MCPH1: variants seen among roughly 807,000 people sequenced by gnomAD.
The protein encoded by MCPH1 is microcephalin.
Under a neutral mutation model 84.5 loss-of-function variants are expected in MCPH1, and 104 were observed. That is an observed-to-expected ratio of 1.23 (90% confidence interval 1.05 to 1.45). The LOEUF is 1.45. Ranked by LOEUF, MCPH1 falls within the 40% of genes most tolerant of loss-of-function variation. The probability of loss-of-function intolerance (pLI) is 0.00; values close to 1 mark genes in which losing one functional copy is unlikely to be tolerated. For missense variants in MCPH1, 1,498 were observed against 1,005.7 expected (o/e 1.49, Z -6.62); for synonymous variants, 514 against 366.8 (o/e 1.40, Z -4.58).
rs1234038158 is a variant in MCPH1, at chr8:6,624,837, C to CTATT, written c.2452+3148_2452+3151dup. On this transcript the variant is annotated intron_variant, in intron 13 of 13. Transcript: ENST00000344683. ...GTTTCCTGCCTCATCCAGGTCCAGG[C>CTATT]TATTTGCTTATTCTCTAACCAGAAA... is the stretch of plus-strand genomic sequence containing the variant. The CTATT allele has an allele frequency of 8.1e-6, 8 of 984,678 alleles. No homozygotes were observed. In the East Asian group the frequency reaches 4.5e-4, roughly 56 times the overall value. The allele number at this position is 984,678 out of a possible 1,614,324, so 61.0% of individuals were successfully genotyped here. A position where few individuals can be genotyped will look rare whatever the true frequency, so the allele number is the denominator to read the frequency against.
chr8:6,458,190 G>T (rs1318755310), intron 9 of MCPH1, among the ~76,000 whole-genome samples: 1 of 152,024 alleles, frequency 6.6e-6, no homozygotes, highest in Non-Finnish European at 1.5e-5. Context: ...CCTGATTTGC[G>T]GGCTGGGTGC....
intron 12 of MCPH1, among the ~76,000 whole-genome samples, chr8:6,538,254 A>G (rs756450901): frequency 3.3e-5 from 5 of 152,146 alleles, no homozygotes; most frequent in Admixed American, 6.5e-5. Context: ...TAGAAATAAG[A>G]TATTGCAACC....
At chr8:6,576,555 C>G (rs1250541371) in intron 12 of MCPH1, among the ~76,000 whole-genome samples, 1 of 151,296 alleles carries the variant, frequency 6.6e-6, no homozygotes, top group Non-Finnish European at 1.5e-5. Context: ...GTCCCCCAGG[C>G]TGGAGTGCAA....
chr8:6,465,007 A>AG (rs1364402776), intron 9 of MCPH1, among the ~76,000 whole-genome samples: 1 of 152,082 alleles, frequency 6.6e-6, no homozygotes, highest in African/African-American at 2.4e-5. Context: ...CAGAAAAAAA[A>AG]AAAAAGAAAA....
chr8:6,497,319 C>CA (rs36033136), intron 11 of MCPH1, among the ~76,000 whole-genome samples: 54,905 of 144,560 alleles, frequency 0.38, 10,307 homozygotes, highest in Middle Eastern at 0.47. Flanking sequence ...CATTCTCTAC[C>CA]AAAAAAAAAC....
intron 13 of MCPH1, among the ~76,000 whole-genome samples, chr8:6,640,559 T>A (rs138506085): frequency 2.0e-5 from 3 of 152,374 alleles, no homozygotes; most frequent in African/African-American, 7.2e-5. Context: ...ATTTTTCACA[T>A]GGTTTTACAG....
Position 6,613,729 on chromosome 8 carries a change from G to C in MCPH1, c.2215-7725G>C, listed in dbSNP as rs138059928. Among the ~76,000 whole-genome samples the C allele has an allele frequency of 1.0e-3, 156 of 152,220 alleles. 1 individual carries two copies. The highest frequency in any genetic ancestry group is 3.6e-3 in the African/African-American group (150 of 41,518). The stretch of plus-strand genomic sequence containing the variant: ...GAGACAGAGTCATCAGGGCCGAGAG[G>C]AATGACAGTAACAGCGAGGTTGAAG... On this transcript the variant is annotated intron_variant, in intron 12 of 13. Transcript: ENST00000344683.
chr8:6,603,038 G>A (rs141019335), intron 12 of MCPH1, among the ~76,000 whole-genome samples: 8 of 151,934 alleles, frequency 5.3e-5, no homozygotes, highest in Admixed American at 6.6e-5. Flanking sequence ...GTCTCCTGAC[G>A]TCATTGCTTG....
At chr8:6,575,625 T>C (rs781671924) in intron 12 of MCPH1, among the ~76,000 whole-genome samples, 9 of 152,206 alleles carry the variant, frequency 5.9e-5, no homozygotes, top group Non-Finnish European at 1.2e-4. Flanking sequence ...CGAAAATTCA[T>C]GTTGAAGTCC....
At chr8:6,437,507 G>T (rs1246864363) in intron 5 of MCPH1, among the ~76,000 whole-genome samples, 1 of 152,186 alleles carries the variant, frequency 6.6e-6, no homozygotes, top group African/African-American at 2.4e-5. Context: ...GGGATTACAG[G>T]CGTGAGCCAC....
intron 12 of MCPH1, among the ~76,000 whole-genome samples, chr8:6,553,171 G>A (rs948720939): frequency 4.6e-5 from 7 of 152,162 alleles, no homozygotes; most frequent in South Asian, 2.1e-4. Flanking sequence ...GATGTTGATC[G>A]TAGGGGAGGT....
At chr8:6,505,797 A>T (rs1352517129) in intron 12 of MCPH1, among the ~76,000 whole-genome samples, 1 of 99,480 alleles carries the variant, frequency 1.0e-5, no homozygotes, top group Non-Finnish European at 2.5e-5. Flanking sequence ...TATATATAAA[A>T]ACATGCATAT....
chr8:6,449,240 C>T lies in MCPH1; in HGVS notation c.1825+3693C>T, dbSNP rs137880654. ...ATGGAATTCTCTTAGATTCTTCTCT[C>T]GATGCCTGCCTCTTAGCGTGTCCTT... On this transcript the variant is annotated intron_variant, in intron 8 of 13. Coordinates refer to ENST00000344683, the MANE Select transcript of MCPH1 (RefSeq NM_024596.5). Among the ~76,000 whole-genome samples the T allele has an allele frequency of 5.3e-5, 8 of 152,328 alleles. No homozygotes were observed. The East Asian group carries it at 9.6e-4, about 18-fold the overall frequency.
chr8:6,455,768 T>A (rs1805606021), intron 9 of MCPH1, among the ~76,000 whole-genome samples: 1 of 152,222 alleles, frequency 6.6e-6, no homozygotes. Flanking sequence ...AATGAGGATT[T>A]TAAATGTTTT....
intron 8 of MCPH1, chr8:6,447,280 G>C (rs1804541781): frequency 1.0e-6 from 1 of 985,392 alleles, no homozygotes. Flanking sequence ...AAACCATAAA[G>C]CCTTCAGTTT....
intron 9 of MCPH1, among the ~76,000 whole-genome samples, chr8:6,464,294 G>C (rs991521937): frequency 6.6e-6 from 1 of 152,094 alleles, no homozygotes; most frequent in Non-Finnish European, 1.5e-5. Context: ...ACAGGTGTGG[G>C]GTCCATCAGC....
At position 6,417,921 on chromosome 8, in the gene MCPH1, G is replaced by A. The variant is rs200776974; in HGVS notation, c.233+3038G>A. ...AGACTCTGGATTCTTTTCTATTGTC[G>A]CAAAGAGCATGAGGTTTTTGTTTTA... On this transcript the variant is annotated intron_variant, in intron 3 of 13. Transcript: ENST00000344683. Among the ~76,000 whole-genome samples the A allele has an allele frequency of 5.9e-5, 9 of 152,236 alleles. No homozygotes were observed. In the East Asian group the frequency reaches 1.2e-3, roughly 20 times the overall value.
At chr8:6,518,286 C>T (rs758671605) in intron 12 of MCPH1, among the ~76,000 whole-genome samples, 15 of 152,186 alleles carry the variant, frequency 9.9e-5, no homozygotes, top group Admixed American at 3.9e-4. Flanking sequence ...TGGTGACAGA[C>T]AATGGCATGC....
chr8:6,557,503 T>C (rs1824828693), intron 12 of MCPH1, among the ~76,000 whole-genome samples: 1 of 152,040 alleles, frequency 6.6e-6, no homozygotes, highest in South Asian at 2.1e-4. Flanking sequence ...AGGAGAAAAT[T>C]CTCATTGTTA....
Sources: gnomAD v4.1 joint callset for allele counts (sites outside exome capture counted in the v4.1 genomes callset) on GRCh38, gnomAD v4.1.1 for gene constraint, MANE v1.5 for transcripts, NCBI Gene and HGNC (gene_info 2026-07-23, HGNC 2026-07-21) for gene names.